Variants in CSPP1 observed in about 807,000 individuals in gnomAD.
CSPP1 encodes centrosome and spindle pole-associated protein 1.
A neutral mutation model predicts 164.4 loss-of-function variants in CSPP1; 126 were observed. The observed-to-expected ratio is 0.77, with a 90% CI of 0.66 to 0.89. The LOEUF is 0.89. CSPP1 is among the 40% of genes least tolerant of loss of function. CSPP1 has a pLI of 0.00. For synonymous variants in CSPP1, 472 were observed against 476.7 expected (o/e 0.99, Z 0.13); for missense variants, 1,395 against 1,449.8 (o/e 0.96, Z 0.61).
At chr8:67,140,556 A>C (rs1428636814) in intron 17 of CSPP1, among the ~76,000 whole-genome samples, 1 of 152,194 alleles carries the variant, frequency 6.6e-6, no homozygotes, top group African/African-American at 2.4e-5. Context: ...TTAATAGGTA[A>C]GTGTTTACTT....
intron 18 of CSPP1, among the ~76,000 whole-genome samples, chr8:67,150,217 C>T (rs1825447622): frequency 6.6e-6 from 1 of 152,008 alleles, no homozygotes; most frequent in African/African-American, 2.4e-5. Flanking sequence ...TAGTGGGGGA[C>T]ATTTCTTAAT....
At chr8:67,072,814 A>G (rs117270829) in intron 1 of CSPP1, among the ~76,000 whole-genome samples, 1 of 150,490 alleles carries the variant, frequency 6.6e-6, no homozygotes, top group East Asian at 2.0e-4. Flanking sequence ...CTGAAGGTGT[A>G]CTATGATGGC....
chr8:67,116,268 G>GT lies in CSPP1; in HGVS notation c.1496+153dup, dbSNP rs1463504794. 65 of 573,734 alleles carry GT rather than the reference G, an allele frequency of 1.1e-4. No homozygotes were observed. The East Asian group carries it at 1.5e-3, about 13-fold the overall frequency. 35.5% of individuals were successfully genotyped at this position (573,734 alleles called of 1,614,324 possible). A position where few individuals can be genotyped will look rare whatever the true frequency, so the allele number is the denominator to read the frequency against. On this transcript the variant is annotated intron_variant, in intron 13 of 30. Coordinates refer to ENST00000678616, the MANE Select transcript of CSPP1 (RefSeq NM_001382391.1). ...TGTGAAATAAATTCTCTTGAAATTT[G>GT]TTTTTTTCTCTGCTATTATAAAAAA...
chr8:67,131,103 G>C (rs1246307602), intron 15 of CSPP1, among the ~76,000 whole-genome samples: 2 of 151,524 alleles, frequency 1.3e-5, no homozygotes, highest in African/African-American at 4.9e-5. Flanking sequence ...ACTTAAACAT[G>C]TGTTATGTTG....
intron 16 of CSPP1, 35 bp from the exon 17 acceptor site, chr8:67,137,421 C>T: frequency 7.5e-7 from 1 of 1,336,194 alleles, no homozygotes; most frequent in Non-Finnish European, 9.9e-7. Context: ...GAATACTTGT[C>T]AGCGTTTATT....
chr8:67,099,281 C>T (rs769236612), intron 7 of CSPP1: 16 of 151,970 alleles, frequency 1.1e-4, no homozygotes, highest in Non-Finnish European at 1.6e-4. Context: ...TATTAAAAGC[C>T]ATAGAATATT....
At chr8:67,116,182 T>C in intron 13 of CSPP1, 60 bp downstream of exon 13, 2 of 1,179,182 alleles carry the variant, frequency 1.7e-6, no homozygotes, top group South Asian at 1.2e-5. Flanking sequence ...ATTTTATGTT[T>C]AGAAGGATAT....
intron 26 of CSPP1, among the ~76,000 whole-genome samples, chr8:67,176,732 A>G (rs1415511941): frequency 6.6e-6 from 1 of 151,966 alleles, no homozygotes; most frequent in Non-Finnish European, 1.5e-5. Flanking sequence ...CACAGCAGCC[A>G]CTCCCCAACT....
Position 67,113,802 on chromosome 8 carries a change from T to G in CSPP1, c.1188-3T>G. The G allele has an allele frequency of 6.6e-7, 1 of 1,525,764 alleles. No individual in the cohort carries two copies. Among genetic ancestry groups the G allele is most frequent in the East Asian group, 2.3e-5 (1 of 43,904 alleles). The allele number at this position is 1,525,764 out of a possible 1,614,324, so 94.5% of individuals were successfully genotyped here. A position where few individuals can be genotyped will look rare whatever the true frequency, so the allele number is the denominator to read the frequency against. ...TAATATGTAAAACTTTAATTTTGTTTAGAGAAAAAGATTTAGAACTCAGGG... is the reference window on the plus strand; with the variant it reads ...TAATATGTAAAACTTTAATTTTGTTGAGAGAAAAAGATTTAGAACTCAGGG... On this transcript the variant is annotated splice_polypyrimidine_tract_variant and splice_region_variant and intron_variant, in intron 10 of 30. Transcript: ENST00000678616.
chr8:67,078,582 A>G (rs905092019), intron 3 of CSPP1, among the ~76,000 whole-genome samples: 59 of 152,124 alleles, frequency 3.9e-4, no homozygotes, highest in Admixed American at 3.9e-3. Flanking sequence ...TCTGGTCTCG[A>G]ACTCGCTAGC....
At chr8:67,193,768 A>G (rs1221071817) in intron 30 of CSPP1, among the ~76,000 whole-genome samples, 166 bp downstream of exon 30, 1 of 152,230 alleles carries the variant, frequency 6.6e-6, no homozygotes, top group Non-Finnish European at 1.5e-5. Flanking sequence ...AGACCTCAGG[A>G]TGCAGTTTGC....
chr8:67,147,740 C>G (rs549832021), intron 17 of CSPP1, among the ~76,000 whole-genome samples: 1 of 152,098 alleles, frequency 6.6e-6, no homozygotes, highest in African/African-American at 2.4e-5. Context: ...GCATTATGAA[C>G]TAGAGTTAGA....
chr8:67,162,177 T>C (rs1428473707), intron 22 of CSPP1, among the ~76,000 whole-genome samples: 2 of 152,176 alleles, frequency 1.3e-5, no homozygotes, highest in Admixed American at 6.5e-5. Context: ...ATACTTTAGA[T>C]TGAACTACAA....
chr8:67,175,147 A>C, intron 25 of CSPP1, 149 bp from the exon 26 acceptor site: 1 of 648,144 alleles, frequency 1.5e-6, no homozygotes, highest in East Asian at 2.6e-5. Flanking sequence ...TGGCTATTTT[A>C]CTGTCCTTTG....
At chr8:67,068,904 C>A (rs762881782) in intron 1 of CSPP1, among the ~76,000 whole-genome samples, 1 of 152,208 alleles carries the variant, frequency 6.6e-6, no homozygotes, top group South Asian at 2.1e-4. Context: ...CCTTTCCCAG[C>A]TGATGTGAAT....
At chr8:67,116,610 G>A (rs1230967617) in intron 13 of CSPP1, among the ~76,000 whole-genome samples, 3 of 152,192 alleles carry the variant, frequency 2.0e-5, no homozygotes, top group Non-Finnish European at 4.4e-5. Context: ...AATAAAAAGT[G>A]TTGAGATTAT....
At position 67,172,432 on chromosome 8, in the gene CSPP1, C is replaced by T. The variant is rs535012363; in HGVS notation, c.2845C>T (p.Pro949Ser). ...EIPIRKKERN[P>S]MDIFDMARHR... ...TATCTATAGGAAAAAGGAAAGGAAT[C>T]CCATGGATATATTTGATATGGCTAG... Residue 949 changes from proline to serine, a missense_variant, in exon 25 of 31, where the codon CCC becomes TCC. By Grantham distance (74) the Pro-to-Ser change is moderately conservative. Coordinates refer to ENST00000678616, the MANE Select transcript of CSPP1 (RefSeq NM_001382391.1). 6.2e-6 allele frequency: 10 copies of T among 1,612,596 alleles called. No individual in the cohort carries two copies. In the East Asian group the frequency reaches 2.2e-4, roughly 36 times the overall value.
At chr8:67,155,815 A>G (rs1826560827) in intron 19 of CSPP1, among the ~76,000 whole-genome samples, 1 of 152,178 alleles carries the variant, frequency 6.6e-6, no homozygotes, top group South Asian at 2.1e-4. Context: ...TTAAGATACA[A>G]TAATAGAGGA....
chr8:67,161,738 GGTGT>G (rs138049979), intron 21 of CSPP1, 69 bp from the exon 22 acceptor site: 12 of 721,288 alleles, frequency 1.7e-5, no homozygotes, highest in Admixed American at 2.1e-5. Context: ...AACTATAAGG[GGTGT>G]GTGTGTGTGT....
Sources: allele counts gnomAD v4.1 joint callset (sites outside exome capture counted in the v4.1 genomes callset), GRCh38; gene constraint gnomAD v4.1.1; transcripts MANE v1.5; gene names NCBI Gene and HGNC (gene_info 2026-07-23, HGNC 2026-07-21).